PALLD: variants seen among roughly 807,000 people sequenced by gnomAD.
PALLD encodes palladin.
A neutral mutation model predicts 123.5 loss-of-function variants in PALLD; 61 were observed. That is an observed-to-expected ratio of 0.49 (90% CI 0.40 to 0.61). The LOEUF is 0.61. Among genes scored for constraint, PALLD ranks in the 20% least tolerant of loss-of-function variants. The pLI, the probability that PALLD is intolerant of heterozygous loss-of-function variation, is 0.00. For missense variants in PALLD, 1,273 were observed against 1,377.0 expected, an observed-to-expected ratio of 0.92 and a Z score of 1.20; for synonymous variants, 465 against 496.4, an observed-to-expected ratio of 0.94 and a Z score of 0.84.
At chr4:168,811,542 C>A (rs996127450) in intron 10 of PALLD, among the ~76,000 whole-genome samples, 1 of 152,094 alleles carries the variant, frequency 6.6e-6, no homozygotes, top group African/African-American at 2.4e-5. Flanking sequence ...TGAGACCAAC[C>A]TGGAAAATAT....
intron 10 of PALLD, among the ~76,000 whole-genome samples, chr4:168,788,131 G>A (rs939888299): frequency 2.0e-5 from 3 of 152,178 alleles, no homozygotes; most frequent in Admixed American, 6.5e-5. Context: ...CACTCCCATA[G>A]ATAGAAGGTG....
At chr4:168,641,575 G>A (rs1053909576) in intron 2 of PALLD, among the ~76,000 whole-genome samples, 2 of 152,076 alleles carry the variant, frequency 1.3e-5, no homozygotes, top group African/African-American at 4.8e-5. Context: ...TTTTGCTGAC[G>A]CATTGAACTC....
chr4:168,579,037 A>G (rs1458937503), intron 2 of PALLD, among the ~76,000 whole-genome samples: 1 of 150,296 alleles, frequency 6.7e-6, no homozygotes, highest in East Asian at 2.0e-4. Flanking sequence ...GGAAAAGAAG[A>G]GCATTTGGAG....
intron 1 of PALLD, among the ~76,000 whole-genome samples, chr4:168,506,750 C>A (rs998451459): frequency 6.6e-6 from 1 of 152,200 alleles, no homozygotes; most frequent in South Asian, 2.1e-4. Context: ...GTAATATTTT[C>A]TTTCTTTCCT....
chr4:168,835,811 G>T (rs1286381580), intron 10 of PALLD, among the ~76,000 whole-genome samples: 1 of 152,060 alleles, frequency 6.6e-6, no homozygotes, highest in African/African-American at 2.4e-5. Context: ...CGATTCTCGT[G>T]CCTCAGCCTC....
chr4:168,522,959 A>G (rs910820076), intron 2 of PALLD, among the ~76,000 whole-genome samples: 3 of 152,156 alleles, frequency 2.0e-5, no homozygotes, highest in East Asian at 3.9e-4. Context: ...ATGAGTTCCA[A>G]TGGTGAAGTC....
intron 10 of PALLD, among the ~76,000 whole-genome samples, chr4:168,866,058 C>T (rs1560819094): frequency 6.6e-6 from 1 of 150,926 alleles, no homozygotes; most frequent in East Asian, 2.0e-4. Flanking sequence ...GGTGGGAGGA[C>T]TGCTTGAGCC....
chr4:168,520,362 T>A (rs1352797009), intron 2 of PALLD, among the ~76,000 whole-genome samples: 6 of 109,872 alleles, frequency 5.5e-5, no homozygotes, highest in Non-Finnish European at 1.1e-4. Flanking sequence ...AGAGAGAGAA[T>A]GGCACCTTTA....
intron 10 of PALLD, among the ~76,000 whole-genome samples, chr4:168,825,874 A>G (rs1460978070): frequency 1.3e-5 from 2 of 152,214 alleles, no homozygotes; most frequent in Non-Finnish European, 2.9e-5. Flanking sequence ...TAAAAGAACA[A>G]GCTGAGGACT....
At chr4:168,913,820 A>T (rs1425090349) in intron 15 of PALLD, 107 bp from the exon 16 acceptor site, 11 of 834,858 alleles carry the variant, frequency 1.3e-5, no homozygotes, top group Non-Finnish European at 2.1e-6. Context: ...GGCATACTGA[A>T]TTTTTTATGA....
At chr4:168,906,412 T>A (rs1757809568) in intron 15 of PALLD, among the ~76,000 whole-genome samples, 1 of 152,214 alleles carries the variant, frequency 6.6e-6, no homozygotes, top group African/African-American at 2.4e-5. Flanking sequence ...TCATGGCCAA[T>A]GGCAGTGTGC....
intron 10 of PALLD, among the ~76,000 whole-genome samples, chr4:168,817,251 C>T (rs78147068): frequency 0.061 from 9,265 of 152,188 alleles, 380 homozygotes; most frequent in South Asian, 0.17. Context: ...TTGTTAAAGA[C>T]AGAAAAACGC....
At chr4:168,794,408 C>T (rs576394868) in intron 10 of PALLD, among the ~76,000 whole-genome samples, 114 of 152,176 alleles carry the variant, frequency 7.5e-4, no homozygotes, top group African/African-American at 2.6e-3. Context: ...GAAGACACAA[C>T]ACACATGCGC....
At chr4:168,575,384 G>A (rs190034626) in intron 2 of PALLD, among the ~76,000 whole-genome samples, 207 of 152,010 alleles carry the variant, frequency 1.4e-3, no homozygotes, top group Non-Finnish European at 2.3e-3. Context: ...GTGTATGTAG[G>A]AGGATCTGTC....
chr4:168,539,850 AGGTT>A (rs1765444688), intron 2 of PALLD, among the ~76,000 whole-genome samples: 1 of 151,952 alleles, frequency 6.6e-6, no homozygotes, highest in Non-Finnish European at 1.5e-5. Context: ...GTACACGTGC[AGGTT>A]TGTTACATGG....
chr4:168,554,707 T>A (rs1227851334), intron 2 of PALLD, among the ~76,000 whole-genome samples: 1 of 152,212 alleles, frequency 6.6e-6, no homozygotes, highest in African/African-American at 2.4e-5. Context: ...TAAAGAAACC[T>A]TTTTATATTT....
chr4:168,765,426 C>G (rs1370386617), intron 10 of PALLD, among the ~76,000 whole-genome samples: 1 of 152,078 alleles, frequency 6.6e-6, no homozygotes, highest in Non-Finnish European at 1.5e-5. Context: ...ACTGGAAATT[C>G]CATCCAAAGA....
chr4:168,680,954 C>A (rs952760208), intron 3 of PALLD, among the ~76,000 whole-genome samples: 1 of 152,174 alleles, frequency 6.6e-6, no homozygotes, highest in Non-Finnish European at 1.5e-5. Context: ...CCTTACCCTG[C>A]AATCTCTGGA....
chr4:168,712,594 A>G (rs1301180270), intron 10 of PALLD, among the ~76,000 whole-genome samples: 1 of 152,190 alleles, frequency 6.6e-6, no homozygotes, highest in Non-Finnish European at 1.5e-5. Flanking sequence ...GTTGTTATGA[A>G]TGGAGCCATT....
Sources: allele counts gnomAD v4.1 joint callset (sites outside exome capture counted in the v4.1 genomes callset), GRCh38; gene constraint gnomAD v4.1.1; transcripts MANE v1.5; gene names NCBI Gene and HGNC (gene_info 2026-07-23, HGNC 2026-07-21).